CCDC14: variants seen among roughly 807,000 people sequenced by gnomAD.
CCDC14 encodes the protein coiled-coil domain-containing protein 14.
Under a neutral mutation model 81.4 loss-of-function variants are expected in CCDC14, and 71 were observed. The ratio of observed to expected loss-of-function variants is 0.87; its 90% CI spans 0.72 to 1.06. CCDC14 has a LOEUF of 1.06. Ranked by LOEUF, CCDC14 falls within the 50% of genes least tolerant of loss-of-function variation. The pLI is 0.00. For synonymous variants in CCDC14, 332 were observed against 364.8 expected, an observed-to-expected ratio of 0.91 and a Z score of 1.03; for missense variants, 1,046 against 1,047.3, an observed-to-expected ratio of 1.00 and a Z score of 0.02.
chr3:123,915,203 T>C lies in CCDC14; in HGVS notation c.2294A>G (p.Asn765Ser), dbSNP rs1307384934. 2.5e-6 allele frequency: 4 copies of C among 1,613,794 alleles called. No individual in the cohort carries two copies. Among genetic ancestry groups the C allele is most frequent in the East Asian group, 2.2e-5 (1 of 44,874 alleles). Residue 765 changes from asparagine (N) to serine (S), a missense_variant, in exon 13 of 13, where the codon AAC becomes AGC. Transcript: ENST00000409697. ...TTTTCCAGAGACAGCAAGTCCGCTG[T>C]TGCTGACTAGCTGTGTTGTAGCTGC... The part of the protein sequence containing the change: ...IRAATTQLVS[N>S]SGLAVSGKEN...
At chr3:123,947,735 C>A (rs2036734700) in intron 7 of CCDC14, among the ~76,000 whole-genome samples, 1 of 151,966 alleles carries the variant, frequency 6.6e-6, no homozygotes, top group Admixed American at 6.6e-5. Context: ...CTTTAAAAAA[C>A]AAGAATCTTT....
chr3:123,918,295 G>A (rs1014719974), intron 12 of CCDC14, among the ~76,000 whole-genome samples: 3 of 152,098 alleles, frequency 2.0e-5, no homozygotes, highest in Admixed American at 2.0e-4. Context: ...TTCTTCAAAT[G>A]GCAATGGCTC....
the CCDC14 span, among the ~76,000 whole-genome samples, chr3:123,887,112 T>G: frequency 8.5e-5 from 13 of 152,226 alleles, no homozygotes; most frequent in South Asian, 2.1e-4. Context: ...TTTTTGCATA[T>G]GCTATCCATC....
At chr3:123,938,909 CAG>C (rs906315413) in intron 9 of CCDC14, among the ~76,000 whole-genome samples, 15 of 151,798 alleles carry the variant, frequency 9.9e-5, no homozygotes, top group African/African-American at 3.4e-4. Flanking sequence ...ATGAAAAATG[CAG>C]AGTTTGGAAT....
intron 5 of CCDC14, 53 bp from the exon 6 acceptor site, chr3:123,949,185 A>G (rs1353904742): frequency 1.7e-6 from 2 of 1,151,720 alleles, no homozygotes; most frequent in South Asian, 1.4e-5. Flanking sequence ...AAAAACTTTT[A>G]CCGTAAGATT....
At chr3:123,907,936 T>A (rs34179702) in intron 5 of CCDC14, among the ~76,000 whole-genome samples, 13,320 of 151,850 alleles carry the variant, frequency 0.088, 704 homozygotes, top group Middle Eastern at 0.21. Context: ...GTACTCTTCT[T>A]AGTTTCTGCA....
intron 9 of CCDC14, among the ~76,000 whole-genome samples, chr3:123,941,221 T>C (rs1164300369): frequency 6.6e-6 from 1 of 151,904 alleles, no homozygotes; most frequent in Non-Finnish European, 1.5e-5. Context: ...CCACAGACAT[T>C]TAGTGGTTGG....
At chr3:123,916,500 GT>G (rs1175957547) in intron 12 of CCDC14, among the ~76,000 whole-genome samples, 22 of 151,296 alleles carry the variant, frequency 1.5e-4, no homozygotes, top group African/African-American at 5.4e-4. Context: ...GTGTGTGTGT[GT>G]GGCACAATAC....
At chr3:123,929,919 C>T (rs562902955) in intron 12 of CCDC14, among the ~76,000 whole-genome samples, 141 of 152,246 alleles carry the variant, frequency 9.3e-4, no homozygotes, top group African/African-American at 3.1e-3. Context: ...AAATTCTCAC[C>T]ACAAAATTAT....
In CCDC14 at chr3:123,961,194, C is replaced by A. The variant is rs754825913; in HGVS notation, c.-21G>T. 9.0e-6 allele frequency: 14 copies of A among 1,551,626 alleles called. No homozygotes were observed. The South Asian group carries it at 1.7e-4, about 18-fold the overall frequency. ...ACCATCTCTCGCCGCCTCAGAGAAG[C>A]CCAGACCGAGGGAAGTGAAGCCTCA... On this transcript the variant is annotated 5_prime_UTR_variant, in exon 1 of 13. Transcript: ENST00000409697.
the CCDC14 span, among the ~76,000 whole-genome samples, chr3:123,886,110 T>C: frequency 6.6e-6 from 1 of 151,956 alleles, no homozygotes; most frequent in South Asian, 2.1e-4. Context: ...TCAATATGGC[T>C]CCTGGCTCCT....
At chr3:123,932,899 G>C (rs1559782428) in intron 10 of CCDC14, among the ~76,000 whole-genome samples, 1 of 152,048 alleles carries the variant, frequency 6.6e-6, no homozygotes, top group Non-Finnish European at 1.5e-5. Context: ...AGGAGTTCAA[G>C]ACCAGCCTGG....
At chr3:123,898,885 T>TC (rs1271853190) in intron 5 of CCDC14, among the ~76,000 whole-genome samples, 1 of 4,572 alleles carries the variant, frequency 2.2e-4, no homozygotes, top group Non-Finnish European at 3.6e-4. Context: ...TGTTTGGTTG[T>TC]TTTTTTTTTT....
At chr3:123,930,141 T>C (rs1163424453) in intron 12 of CCDC14, among the ~76,000 whole-genome samples, 1 of 152,168 alleles carries the variant, frequency 6.6e-6, no homozygotes, top group Non-Finnish European at 1.5e-5. Flanking sequence ...CTATGAAATA[T>C]AAATGTGGAA....
intron 12 of CCDC14, among the ~76,000 whole-genome samples, chr3:123,927,672 T>C (rs904122148): frequency 6.6e-6 from 1 of 152,062 alleles, no homozygotes; most frequent in Non-Finnish European, 1.5e-5. Flanking sequence ...GAAAATTCTT[T>C]AGTCTTACGA....
intron 5 of CCDC14, among the ~76,000 whole-genome samples, chr3:123,903,206 G>A (rs1456790976): frequency 2.0e-5 from 3 of 151,958 alleles, no homozygotes; most frequent in Non-Finnish European, 2.9e-5. Flanking sequence ...ATGGTTATTG[G>A]GCTGGCTGAT....
At chr3:123,895,572 C>T (rs2034048443), downstream of CCDC14, among the ~76,000 whole-genome samples, 1 of 152,116 alleles carries the variant, frequency 6.6e-6, no homozygotes, top group Non-Finnish European at 1.5e-5. Context: ...CTGGGTCTTA[C>T]CCCCAGAAAT....
chr3:123,915,632 G>C lies in CCDC14; in HGVS notation c.1865C>G (p.Ser622Ter), dbSNP rs1482342475. 2 of 1,613,912 alleles carry C rather than the reference G, an allele frequency of 1.2e-6. No individual in the cohort carries two copies. The highest frequency in any genetic ancestry group is 1.7e-5 in the Admixed American group (1 of 59,998). Residue 622 changes from serine to a stop codon, truncating the protein, a stop_gained, in exon 13 of 13, where the codon TCA (serine) becomes TGA (stop). Coordinates refer to ENST00000409697, the MANE Select transcript of CCDC14 (RefSeq NM_001366335.1). LOFTEE classifies it low-confidence loss of function (END_TRUNC). ...RCKPGNNLTK[S>*]LLNIHDKQLQ... ...TTGTTTATCATGAATGTTCAAGAGTGATTTGGTAAGGTTATTCCCAGGCTT... is the reference window on the plus strand; with the variant it reads ...TTGTTTATCATGAATGTTCAAGAGTCATTTGGTAAGGTTATTCCCAGGCTT...
intron 9 of CCDC14, among the ~76,000 whole-genome samples, chr3:123,936,854 A>C (rs1385652993): frequency 6.6e-6 from 1 of 152,104 alleles, no homozygotes; most frequent in African/African-American, 2.4e-5. Flanking sequence ...ATTTTTCAAA[A>C]AACATATTCA....
Sources: allele counts gnomAD v4.1 joint callset (sites outside exome capture counted in the v4.1 genomes callset), GRCh38; gene constraint gnomAD v4.1.1; transcripts MANE v1.5; gene names NCBI Gene and HGNC (gene_info 2026-07-23, HGNC 2026-07-21).